Variants in DCHS2 observed in about 807,000 individuals in gnomAD.
DCHS2 encodes the protein dachsous cadherin-related 2, also known as protocadherin-23.
A neutral mutation model predicts 182.4 loss-of-function variants in DCHS2; 142 were observed. The ratio of observed to expected loss-of-function variants is 0.78; its 90% CI spans 0.68 to 0.89. The LOEUF is 0.89. Ranked by LOEUF, DCHS2 falls within the 40% of genes least tolerant of loss-of-function variation. DCHS2 has a pLI of 0.00. For synonymous variants in DCHS2, 1,740 were observed against 1,663.3 expected (o/e 1.05, Z -1.12); for missense variants, 4,319 against 4,198.6 (o/e 1.03, Z -0.79).
intron 1 of DCHS2, among the ~76,000 whole-genome samples, chr4:154,462,261 T>A (rs754839073): frequency 3.3e-4 from 50 of 152,206 alleles, no homozygotes; most frequent in Non-Finnish European, 4.3e-4. Context: ...CAATGTCTTT[T>A]CTTATTTCAA....
At chr4:154,344,173 C>A (rs1002535060) in intron 3 of DCHS2, among the ~76,000 whole-genome samples, 1 of 151,962 alleles carries the variant, frequency 6.6e-6, no homozygotes, top group Non-Finnish European at 1.5e-5. Context: ...ATAATAATAT[C>A]AAAAATTACT....
At chr4:154,393,842 C>CT (rs1654787924) in intron 1 of DCHS2, among the ~76,000 whole-genome samples, 1 of 152,114 alleles carries the variant, frequency 6.6e-6, no homozygotes, top group Admixed American at 6.6e-5. Flanking sequence ...AGGATGAGGA[C>CT]TGACTCTTAA....
intron 2 of DCHS2, among the ~76,000 whole-genome samples, chr4:154,376,742 G>A (rs1730918481): frequency 1.3e-5 from 2 of 152,148 alleles, no homozygotes; most frequent in South Asian, 2.1e-4. Context: ...AGGAAATAGA[G>A]GGAATGGAAG....
chr4:154,436,194 T>C (rs1198804731), intron 1 of DCHS2, among the ~76,000 whole-genome samples: 1 of 152,192 alleles, frequency 6.6e-6, no homozygotes, highest in East Asian at 1.9e-4. Flanking sequence ...TCACTCCTAG[T>C]TTTAATGTTT....
At position 154,324,159 on chromosome 4, in the gene DCHS2, C is replaced by T. The variant is rs533894009; in HGVS notation, c.4019-1671G>A. On this transcript the variant is annotated intron_variant, in intron 7 of 19. Transcript: ENST00000357232. ...TTTGTCTTGCTTTTGTTTTGGAAAT[C>T]GTTAAGCATGATTTAAACATATTAG... 7.2e-5 allele frequency among the ~76,000 whole-genome samples: 11 copies of T among 152,268 alleles called. 1 individual carries two copies. The East Asian group carries it at 1.9e-3, about 27-fold the overall frequency.
chr4:154,281,382 T>C (rs1734138241), intron 13 of DCHS2, among the ~76,000 whole-genome samples: 1 of 152,116 alleles, frequency 6.6e-6, no homozygotes, highest in African/African-American at 2.4e-5. Flanking sequence ...TTCTATCCAG[T>C]AACAATAAGC....
chr4:154,464,464 C>T (rs558691980), intron 1 of DCHS2, among the ~76,000 whole-genome samples: 3 of 151,896 alleles, frequency 2.0e-5, no homozygotes, highest in Non-Finnish European at 2.9e-5. Context: ...AAAATGTGTG[C>T]AAGGATATAA....
chr4:154,292,535 G>A (rs184885986), intron 13 of DCHS2, among the ~76,000 whole-genome samples: 1 of 152,214 alleles, frequency 6.6e-6, no homozygotes, highest in Admixed American at 6.5e-5. Context: ...TCTATTCTTG[G>A]CCCAAATCCT....
rs146760773 is a variant in DCHS2 at position 154,413,409 on chromosome 4, A to G, written c.2053-35965T>C. 5.9e-5 allele frequency among the ~76,000 whole-genome samples: 9 copies of G among 152,274 alleles called. No individual in the cohort carries two copies. In the East Asian group the frequency reaches 1.5e-3, roughly 26 times the overall value. ...TTATATTTTCATGAATTTATTTTTG[A>G]TCACCTTAAATAAACTGTCAGCATC... is the stretch of plus-strand genomic sequence containing the variant. On this transcript the variant is annotated intron_variant, in intron 1 of 19. Transcript: ENST00000357232.
chr4:154,250,640 C>A (rs1215165337), intron 16 of DCHS2, among the ~76,000 whole-genome samples: 1 of 152,156 alleles, frequency 6.6e-6, no homozygotes, highest in Non-Finnish European at 1.5e-5. Context: ...AATTGGTGAT[C>A]AAGTTCCTAT....
chr4:154,331,753 C>T (rs1216225558), intron 5 of DCHS2: 1 of 1,584,504 alleles, frequency 6.3e-7, no homozygotes, highest in Admixed American at 1.8e-5. Context: ...TTACCAGCTC[C>T]ATGACTTTGG....
rs188990389 is a variant in DCHS2, at chr4:154,431,264, G to C, written c.2053-53820C>G. 3.9e-4 allele frequency among the ~76,000 whole-genome samples: 59 copies of C among 152,254 alleles called. 1 individual carries two copies. The East Asian group carries it at 4.3e-3, about 11-fold the overall frequency. On this transcript the variant is annotated intron_variant, in intron 1 of 19. Coordinates refer to ENST00000357232, the MANE Select transcript of DCHS2 (RefSeq NM_001358235.2). Reference sequence around the variant, plus strand: ...TTTCTAAGTTTGGACAATTACAGGAGGGTGGGGATCCTGTTTACTGAAACA... The same window carrying C: ...TTTCTAAGTTTGGACAATTACAGGACGGTGGGGATCCTGTTTACTGAAACA...
At position 154,297,990 on chromosome 4, in the gene DCHS2, C is replaced by G; in HGVS notation, c.6324G>C (p.Leu2108=). The change falls in exon 13 of 20, where the codon CTG becomes CTC. Residue 2108 remains leucine, a synonymous_variant. Coordinates refer to ENST00000357232, the MANE Select transcript of DCHS2 (RefSeq NM_001358235.2). ...NPSSEYFPIW[L]QLKVTDQGIP... The stretch of plus-strand genomic sequence containing the variant: ...TGCCCTGGTCTGTAACTTTTAACTG[C>G]AGCCAGATAGGGAAGTATTCTGAAG... 6.2e-7 allele frequency: 1 copy of G among 1,614,090 alleles called. No individual in the cohort carries two copies. Among genetic ancestry groups the G allele is most frequent in the Non-Finnish European group, 8.5e-7 (1 of 1,179,994 alleles).
chr4:154,309,060 G>A (rs556919670), intron 10 of DCHS2, among the ~76,000 whole-genome samples: 1 of 152,252 alleles, frequency 6.6e-6, no homozygotes, highest in African/African-American at 2.4e-5. Flanking sequence ...TCTTTTCATG[G>A]ACTTGCTCCC....
intron 1 of DCHS2, among the ~76,000 whole-genome samples, chr4:154,417,021 C>A (rs1732859426): frequency 6.6e-6 from 1 of 152,162 alleles, no homozygotes; most frequent in Non-Finnish European, 1.5e-5. Context: ...GGACGCCAAG[C>A]GGCACTATTT....
chr4:154,275,729 A>G (rs1161665628), intron 13 of DCHS2, among the ~76,000 whole-genome samples: 1 of 152,166 alleles, frequency 6.6e-6, no homozygotes, highest in African/African-American at 2.4e-5. Context: ...AACAAAAGAA[A>G]CAATCTTGCT....
intron 1 of DCHS2, among the ~76,000 whole-genome samples, chr4:154,479,378 T>G (rs1735823816): frequency 1.4e-5 from 2 of 147,912 alleles, no homozygotes; most frequent in Non-Finnish European, 1.5e-5. Flanking sequence ...AAAGAAAGAA[T>G]AGAGCAGAAA....
chr4:154,290,872 G>A (rs535814881), intron 13 of DCHS2, among the ~76,000 whole-genome samples: 1 of 152,170 alleles, frequency 6.6e-6, no homozygotes, highest in Non-Finnish European at 1.5e-5. Flanking sequence ...TAGGAAATTG[G>A]AGTGGGAGTA....
chr4:154,270,539 G>A (rs930310356), intron 13 of DCHS2, among the ~76,000 whole-genome samples: 1 of 151,878 alleles, frequency 6.6e-6, no homozygotes, highest in African/African-American at 2.4e-5. Flanking sequence ...GGCAGGATAA[G>A]CAAAGGTCAG....
Sources: gnomAD v4.1 joint callset for allele counts (sites outside exome capture counted in the v4.1 genomes callset) on GRCh38, gnomAD v4.1.1 for gene constraint, MANE v1.5 for transcripts, NCBI Gene and HGNC (gene_info 2026-07-23, HGNC 2026-07-21) for gene names.